CCNK: variants seen among roughly 807,000 people sequenced by gnomAD.
CCNK encodes the protein cyclin-K.
In CCNK, 9 loss-of-function variants were observed where a neutral mutation model predicts 65.0. The observed-to-expected ratio is 0.14, with a 90% confidence interval of 0.08 to 0.24. The LOEUF (loss-of-function observed/expected upper bound fraction) is 0.24. Ranked by LOEUF, CCNK falls within the 10% of genes least tolerant of loss-of-function variation. The pLI is 1.00. For synonymous variants in CCNK, 279 were observed against 270.8 expected, an observed-to-expected ratio of 1.03 and a Z score of -0.30; for missense variants, 474 against 720.0, an observed-to-expected ratio of 0.66 and a Z score of 3.91.
intron 1 of CCNK, among the ~76,000 whole-genome samples, chr14:99,485,775 A>G (rs962482393): frequency 1.3e-5 from 2 of 152,096 alleles, no homozygotes; most frequent in Non-Finnish European, 2.9e-5. Flanking sequence ...CAGGAGAATC[A>G]CTTGAACCCT....
intron 5 of CCNK, 73 bp downstream of exon 5, chr14:99,500,944 A>G (rs1047257761): frequency 1.4e-5 from 13 of 946,628 alleles, no homozygotes; most frequent in Non-Finnish European, 1.9e-5. Context: ...CACTCAAATT[A>G]CGCTTCTCAA....
intron 4 of CCNK, among the ~76,000 whole-genome samples, chr14:99,497,198 T>C (rs1189708593): frequency 6.6e-6 from 1 of 152,184 alleles, no homozygotes. Flanking sequence ...TATAGTATCA[T>C]GTAGTCTATT....
At position 99,502,831 on chromosome 14, in the gene CCNK, G is replaced by A. The variant is rs3918090; in HGVS notation, c.858G>A (p.Pro286=). ...PPSLQPTPQV[P]QVQQSQPSQS... ...CTCTTCAGCCTACACCACAAGTGCCGCAAGTACAGCAGTCACAGCCGTCTC... is the reference window on the plus strand; with the variant it reads ...CTCTTCAGCCTACACCACAAGTGCCACAAGTACAGCAGTCACAGCCGTCTC... The change falls in exon 8 of 11, where the codon CCG becomes CCA. Residue 286 remains proline (P), a synonymous_variant. Transcript: ENST00000389879. The A allele has an allele frequency of 2.9e-4, 474 of 1,613,300 alleles. No individual in the cohort carries two copies. Among genetic ancestry groups the A allele is most frequent in the Non-Finnish European group, 3.6e-4 (424 of 1,179,684 alleles).
chr14:99,509,627 T>C (rs1157688937), intron 10 of CCNK: 1 of 163,710 alleles, frequency 6.1e-6, no homozygotes, highest in African/African-American at 2.4e-5. Context: ...ATGTAGCCTC[T>C]CTTGAGTAGA....
chr14:99,492,841 G>A lies in CCNK; in HGVS notation c.164G>A (p.Arg55Gln), dbSNP rs1288054162. ...GCCCGGTACCGCCGAGAGGGCGCTCGGTTCATCTTTGATGTGGGCACACGT... is the reference window on the plus strand; with the variant it reads ...GCCCGGTACCGCCGAGAGGGCGCTCAGTTCATCTTTGATGTGGGCACACGT... ...TEARYRREGA[R>Q]FIFDVGTRLG... is the part of the protein sequence containing the mutation. Residue 55 changes from arginine to glutamine, a missense_variant, in exon 2 of 11, where the codon CGG (arginine) becomes CAG (glutamine). By Grantham distance (43) the Arg-to-Gln change is conservative. Transcript: ENST00000389879. 6.2e-7 allele frequency: 1 copy of A among 1,606,124 alleles called. No individual in the cohort carries two copies. Among genetic ancestry groups the A allele is most frequent in the South Asian group, 1.1e-5 (1 of 89,680 alleles).
chr14:99,503,188 G>T, intron 8 of CCNK: 1 of 715,186 alleles, frequency 1.4e-6, no homozygotes, highest in Middle Eastern at 3.6e-4. Context: ...CCAGGAGGGG[G>T]CTCTCTGCCC....
At chr14:99,499,323 C>T (rs990683685) in intron 4 of CCNK, among the ~76,000 whole-genome samples, 4 of 152,172 alleles carry the variant, frequency 2.6e-5, no homozygotes, top group Non-Finnish European at 5.9e-5. Flanking sequence ...CAGGCATGAG[C>T]CACCATGTCC....
rs1050222601 is a variant in CCNK, at chr14:99,496,715, AAAAT to A, written c.411+1094_411+1097del. Among the ~76,000 whole-genome samples the A allele has an allele frequency of 6.5e-4, 99 of 151,902 alleles. 1 individual carries two copies. The highest frequency in any genetic ancestry group is 2.0e-3 in the African/African-American group (82 of 41,420). On this transcript the variant is annotated intron_variant, in intron 4 of 10. Transcript: ENST00000389879. ...ACGGAGCAAAACTCCATCTCAAAAAAAAATAAATAAACTAATATTACTTTAAAAA... is the reference window on the plus strand; with the variant it reads ...ACGGAGCAAAACTCCATCTCAAAAAAAAATAAACTAATATTACTTTAAAAA...
intron 1 of CCNK, among the ~76,000 whole-genome samples, chr14:99,490,512 T>C (rs998744755): frequency 9.8e-5 from 15 of 152,324 alleles, no homozygotes; most frequent in Middle Eastern, 3.4e-3. Context: ...AAAGCTTTCA[T>C]AAAAAGGCAA....
At chr14:99,503,075 G>C (rs576158425) in intron 8 of CCNK, 91 bp downstream of exon 8, 1 of 1,412,030 alleles carries the variant, frequency 7.1e-7, no homozygotes, top group East Asian at 2.3e-5. Context: ...CGAGCACAGG[G>C]AACACCGGAA....
intron 1 of CCNK, among the ~76,000 whole-genome samples, chr14:99,486,874 C>T (rs1294474225): frequency 1.1e-5 from 1 of 87,772 alleles, no homozygotes; most frequent in Non-Finnish European, 2.5e-5. Context: ...CCCTTACATG[C>T]GTTATTATTT....
At chr14:99,505,412 A>G (rs2139877637) in intron 9 of CCNK, 1 of 152,376 alleles carries the variant, frequency 6.6e-6, no homozygotes, top group East Asian at 1.9e-4. Flanking sequence ...CAAAATACAC[A>G]GAGATTTCCA....
intron 7 of CCNK, 69 bp from the exon 8 acceptor site, chr14:99,502,650 T>G: frequency 6.8e-7 from 1 of 1,466,904 alleles, no homozygotes; most frequent in Non-Finnish European, 9.4e-7. Flanking sequence ...CATAACTGAT[T>G]CTTTATCCAG....
chr14:99,485,509 T>A (rs865956438), intron 1 of CCNK, among the ~76,000 whole-genome samples: 1 of 152,364 alleles, frequency 6.6e-6, no homozygotes, highest in African/African-American at 2.4e-5. Flanking sequence ...TTTCTTGCTG[T>A]GCTTTTTATT....
intron 1 of CCNK, among the ~76,000 whole-genome samples, chr14:99,487,217 A>C (rs914383129): frequency 3.3e-5 from 5 of 152,224 alleles, no homozygotes; most frequent in Non-Finnish European, 7.3e-5. Flanking sequence ...AAACACCAGA[A>C]ACATTTACAT....
At chr14:99,489,016 C>A (rs189433127) in intron 1 of CCNK, among the ~76,000 whole-genome samples, 70 of 151,744 alleles carry the variant, frequency 4.6e-4, no homozygotes, top group African/African-American at 1.6e-3. Context: ...CAACCCCAGA[C>A]TGGAAAGAAA....
At chr14:99,492,594 C>A in intron 1 of CCNK, 32 bp from the exon 2 acceptor site, 1 of 1,168,930 alleles carries the variant, frequency 8.6e-7, no homozygotes, top group South Asian at 1.4e-5. Flanking sequence ...ATGGAGTATT[C>A]CTTTCCAACT....
intron 10 of CCNK, chr14:99,509,090 A>C (rs896260003): frequency 1.3e-5 from 2 of 152,236 alleles, no homozygotes; most frequent in Non-Finnish European, 2.9e-5. Context: ...CTTTGGCAAG[A>C]TCAAACGGGT....
At chr14:99,489,989 C>T (rs1021704364) in intron 1 of CCNK, among the ~76,000 whole-genome samples, 1 of 152,160 alleles carries the variant, frequency 6.6e-6, no homozygotes, top group Non-Finnish European at 1.5e-5. Flanking sequence ...CATTAGAACA[C>T]CACAGTTGTA....
Sources: gnomAD v4.1 joint callset for allele counts (sites outside exome capture counted in the v4.1 genomes callset) on GRCh38, gnomAD v4.1.1 for gene constraint, MANE v1.5 for transcripts, NCBI Gene and HGNC (gene_info 2026-07-23, HGNC 2026-07-21) for gene names.